Variants in TLL1 observed in about 807,000 individuals in gnomAD.
TLL1 encodes the protein tolloid like 1, also known as tolloid-like protein 1.
Under a neutral mutation model 128.2 loss-of-function variants are expected in TLL1, and 49 were observed. That is an observed-to-expected ratio of 0.38 (90% confidence interval 0.30 to 0.48). The LOEUF (loss-of-function observed/expected upper bound fraction) is 0.48. TLL1 is among the 20% of genes least tolerant of loss of function. TLL1 has a pLI of 0.96. For synonymous variants in TLL1, 454 were observed against 418.8 expected, an observed-to-expected ratio of 1.08 and a Z score of -1.03; for missense variants, 1,123 against 1,242.0, an observed-to-expected ratio of 0.90 and a Z score of 1.44.
At chr4:166,100,438 A>G (rs1742235606) in intron 20 of TLL1, among the ~76,000 whole-genome samples, 1 of 152,110 alleles carries the variant, frequency 6.6e-6, no homozygotes, top group Non-Finnish European at 1.5e-5. Flanking sequence ...ACTTGGCTTA[A>G]AAGTTTAGGG....
In TLL1 at chr4:166,079,916, T is replaced by C. The variant is rs375479386; in HGVS notation, c.2442+1886T>C. ...TTCAGTAATTATTTCTTTGGCTGTCTCGAATCTACTGATGAATTTGTCAAA... is the reference window on the plus strand; with the variant it reads ...TTCAGTAATTATTTCTTTGGCTGTCCCGAATCTACTGATGAATTTGTCAAA... On this transcript the variant is annotated intron_variant, in intron 18 of 20. Transcript: ENST00000061240. Among the ~76,000 whole-genome samples, 11 of 152,308 alleles carry C rather than the reference T, an allele frequency of 7.2e-5. No homozygotes were observed. In the East Asian group the frequency reaches 1.7e-3, roughly 24 times the overall value.
chr4:165,927,317 CTTTAAG>C (rs1043295304), intron 1 of TLL1, among the ~76,000 whole-genome samples: 2 of 152,150 alleles, frequency 1.3e-5, no homozygotes, highest in African/African-American at 4.8e-5. Context: ...GAGCAAGGAA[CTTTAAG>C]TTTAAAGTCA....
intron 1 of TLL1, among the ~76,000 whole-genome samples, chr4:165,953,640 A>G (rs1734645615): frequency 6.6e-6 from 1 of 150,532 alleles, no homozygotes; most frequent in Non-Finnish European, 1.5e-5. Flanking sequence ...ATATATATAT[A>G]TATATATAAA....
At chr4:165,973,944 G>T (rs1226672098) in intron 1 of TLL1, among the ~76,000 whole-genome samples, 6 of 151,990 alleles carry the variant, frequency 3.9e-5, no homozygotes, top group Non-Finnish European at 5.9e-5. Context: ...GGGATTACAG[G>T]CATGAGCCAC....
chr4:165,930,176 T>A (rs2110903729), intron 1 of TLL1, among the ~76,000 whole-genome samples: 1 of 152,256 alleles, frequency 6.6e-6, no homozygotes, highest in East Asian at 1.9e-4. Flanking sequence ...GGGTGCATTC[T>A]CCCAGAAATC....
chr4:165,962,232 A>G (rs1034716919), intron 1 of TLL1, among the ~76,000 whole-genome samples: 8 of 152,200 alleles, frequency 5.3e-5, no homozygotes, highest in Admixed American at 5.2e-4. Flanking sequence ...TAAACAAAAA[A>G]TAAATAACTC....
intron 1 of TLL1, among the ~76,000 whole-genome samples, chr4:165,905,151 A>G (rs1732192760): frequency 6.6e-6 from 1 of 152,236 alleles, no homozygotes; most frequent in Non-Finnish European, 1.5e-5. Context: ...CTATTTGGCA[A>G]TTCCTAAAGA....
Position 165,974,133 on chromosome 4 carries a change from C to CTTTTTTTTTTTTTT in TLL1, c.170-15236_170-15223dup, listed in dbSNP as rs199741025. On this transcript the variant is annotated intron_variant, in intron 1 of 20. Coordinates refer to ENST00000061240, the MANE Select transcript of TLL1 (RefSeq NM_012464.5). ...CTTAGGATTAAGTCCTGGACCTCATCTTTTTTTTTTTTTTTTTTTTTTTTT... is the reference window on the plus strand; with the variant it reads ...CTTAGGATTAAGTCCTGGACCTCATCTTTTTTTTTTTTTTTTTTTTTTTTTTTTTTTTTTTTTTT... 8.2e-5 allele frequency among the ~76,000 whole-genome samples: 5 copies of CTTTTTTTTTTTTTT among 60,748 alleles called. 2 individuals are homozygous for CTTTTTTTTTTTTTT. Among genetic ancestry groups the CTTTTTTTTTTTTTT allele is most frequent in the African/African-American group, 1.8e-4 (2 of 11,406 alleles). The allele number at this position is 60,748 out of a possible 152,430, so 39.9% of individuals were successfully genotyped here.
At chr4:165,957,053 G>A (rs144601870) in intron 1 of TLL1, among the ~76,000 whole-genome samples, 4 of 152,112 alleles carry the variant, frequency 2.6e-5, no homozygotes, top group East Asian at 3.9e-4. Context: ...TAAAAGGCAC[G>A]GAGTGGCAAG....
chr4:166,042,569 T>C (rs1183969833), intron 11 of TLL1, among the ~76,000 whole-genome samples: 1 of 152,204 alleles, frequency 6.6e-6, no homozygotes, highest in Non-Finnish European at 1.5e-5. Flanking sequence ...TTTATCTAAA[T>C]AAGAGAGTCA....
At chr4:166,047,332 T>G (rs566541836) in intron 12 of TLL1, among the ~76,000 whole-genome samples, 1 of 151,636 alleles carries the variant, frequency 6.6e-6, no homozygotes, top group African/African-American at 2.4e-5. Context: ...GCCTGGCTAA[T>G]TTTTTGTATT....
chr4:166,017,679 C>A (rs1296343151), intron 8 of TLL1, among the ~76,000 whole-genome samples: 1 of 151,694 alleles, frequency 6.6e-6, no homozygotes, highest in Non-Finnish European at 1.5e-5. Context: ...AGCCCCCTCC[C>A]TTCCTCTTGT....
intron 9 of TLL1, among the ~76,000 whole-genome samples, chr4:166,035,318 C>T (rs7664950): frequency 0.53 from 80,640 of 151,930 alleles, 22,612 homozygotes; most frequent in African/African-American, 0.72. Context: ...GGAGTAATAC[C>T]TTATTTTATA....
rs1289283490 is a variant in TLL1, at chr4:165,992,441, A to G, written c.281-363A>G. On this transcript the variant is annotated intron_variant, in intron 2 of 20. Transcript: ENST00000061240. The stretch of plus-strand genomic sequence containing the variant: ...GAAAATATTCAGTTTGCACTGGGGA[A>G]ATAGCTGGCATGCAATCAACAGGGC... Among the ~76,000 whole-genome samples the G allele has an allele frequency of 2.6e-5, 4 of 152,074 alleles. No individual in the cohort carries two copies. The East Asian group carries it at 7.7e-4, about 29-fold the overall frequency.
chr4:166,033,525 G>T (rs1210416094), intron 9 of TLL1, among the ~76,000 whole-genome samples: 2 of 151,952 alleles, frequency 1.3e-5, no homozygotes, highest in African/African-American at 4.8e-5. Flanking sequence ...ATGTTATTTT[G>T]GGCAAGAGAA....
intron 1 of TLL1, among the ~76,000 whole-genome samples, chr4:165,974,425 C>G (rs956496101): frequency 7.6e-6 from 1 of 130,954 alleles, no homozygotes. Context: ...CAGGCGTGAG[C>G]CACCGCGCCT....
At chr4:166,015,857 GTT>G (rs143975584) in intron 8 of TLL1, among the ~76,000 whole-genome samples, 4 of 144,956 alleles carry the variant, frequency 2.8e-5, no homozygotes, top group East Asian at 4.0e-4. Context: ...AAGAAATTAT[GTT>G]TTTTTTTTTC....
At chr4:166,013,161 G>A (rs1389445937) in intron 7 of TLL1, among the ~76,000 whole-genome samples, 4 of 151,712 alleles carry the variant, frequency 2.6e-5, no homozygotes, top group African/African-American at 9.7e-5. Context: ...TTTCAAGTGA[G>A]TTTCACTTTG....
intron 1 of TLL1, among the ~76,000 whole-genome samples, chr4:165,978,452 A>AT (rs753439478): frequency 2.6e-5 from 4 of 152,120 alleles, no homozygotes; most frequent in Non-Finnish European, 4.4e-5. Context: ...GTTCTTAAAG[A>AT]TAACAGTTTT....
Sources: allele counts gnomAD v4.1 joint callset (sites outside exome capture counted in the v4.1 genomes callset), GRCh38; gene constraint gnomAD v4.1.1; transcripts MANE v1.5; gene names NCBI Gene and HGNC (gene_info 2026-07-23, HGNC 2026-07-21).